Variants in AKAP19 observed in about 807,000 individuals in gnomAD.
The protein encoded by AKAP19 is small A-kinase anchoring protein.
At chr2:189,984,418 A>G in the AKAP19 span, among the ~76,000 whole-genome samples, 1 of 152,310 alleles carries the variant, frequency 6.6e-6, no homozygotes, top group Non-Finnish European at 1.5e-5. Context: ...TGTTCTGCCC[A>G]GCTCACCGGT....
At chr2:190,055,635 A>AT in the AKAP19 span, 1 of 152,220 alleles carries the variant, frequency 6.6e-6, no homozygotes, top group East Asian at 1.9e-4. Context: ...GTGCTAAACA[A>AT]TTAGACTTTT....
chr2:189,972,196 A>T, the AKAP19 span, among the ~76,000 whole-genome samples: 3 of 152,208 alleles, frequency 2.0e-5, no homozygotes, highest in South Asian at 2.1e-4. Context: ...AGCTTTCTAC[A>T]TATGGCTAGC....
At chr2:189,967,831 A>C in the AKAP19 span, among the ~76,000 whole-genome samples, 1 of 151,108 alleles carries the variant, frequency 6.6e-6, no homozygotes, top group East Asian at 1.9e-4. Flanking sequence ...TCTCTAAAAA[A>C]AATAAAAATA....
the AKAP19 span, among the ~76,000 whole-genome samples, chr2:190,186,120 T>A: frequency 1.3e-5 from 2 of 152,030 alleles, no homozygotes; most frequent in African/African-American, 4.8e-5. This position sits in a 1 kb window ranked among gnomAD's most constrained non-coding sequence, Gnocchi z 5.5. Flanking sequence ...CCTGGCTGAT[T>A]TTTTTAGTTT....
chr2:189,998,221 C>G, the AKAP19 span, among the ~76,000 whole-genome samples: 2 of 152,098 alleles, frequency 1.3e-5, no homozygotes, highest in Non-Finnish European at 2.9e-5. Flanking sequence ...CTGGTATGTT[C>G]CTGTGGTAGT....
At chr2:190,126,313 A>AAAAAAAAAAAAAAAAAAAAAAAAAAAG in the AKAP19 span, among the ~76,000 whole-genome samples, 1 of 141,850 alleles carries the variant, frequency 7.0e-6, no homozygotes, top group Non-Finnish European at 1.5e-5. Context: ...AAAAAAAAAA[A>AAAAAAAAAAAAAAAAAAAAAAAAAAAG]AAAAAAAAAA....
At chr2:190,151,163 A>G in the AKAP19 span, among the ~76,000 whole-genome samples, 1 of 152,114 alleles carries the variant, frequency 6.6e-6, no homozygotes, top group Non-Finnish European at 1.5e-5. Context: ...ACATACATAA[A>G]TGTTTGGTTG....
At chr2:190,091,205 T>G in the AKAP19 span, among the ~76,000 whole-genome samples, 9 of 152,242 alleles carry the variant, frequency 5.9e-5, no homozygotes, top group Non-Finnish European at 1.3e-4. Flanking sequence ...AGAAACTTTC[T>G]AATGCCATGT....
chr2:189,972,391 A>G, the AKAP19 span, among the ~76,000 whole-genome samples: 1 of 152,130 alleles, frequency 6.6e-6, no homozygotes, highest in Admixed American at 6.5e-5. Flanking sequence ...GTAGTCTTGT[A>G]GTATAGTTTG....
chr2:189,950,027 G>GTTT, the AKAP19 span, among the ~76,000 whole-genome samples: 26 of 35,000 alleles, frequency 7.4e-4, no homozygotes, highest in African/African-American at 1.3e-3. Flanking sequence ...TTTGGTTTTG[G>GTTT]GTTTTTTTTT....
the AKAP19 span, among the ~76,000 whole-genome samples, chr2:190,116,358 G>A: frequency 6.6e-6 from 1 of 152,300 alleles, no homozygotes; most frequent in Non-Finnish European, 1.5e-5. Context: ...GCATGTGAGA[G>A]AGTAAGAGAT....
At chr2:190,043,110 T>C in the AKAP19 span, among the ~76,000 whole-genome samples, 1 of 152,232 alleles carries the variant, frequency 6.6e-6, no homozygotes, top group South Asian at 2.1e-4. Context: ...CCTTTCTCTC[T>C]AGCTGCCTTT....
the AKAP19 span, among the ~76,000 whole-genome samples, chr2:190,179,262 G>T: frequency 2.0e-4 from 30 of 151,964 alleles, no homozygotes; most frequent in Non-Finnish European, 3.7e-4. This position sits in a 1 kb window ranked among gnomAD's most constrained non-coding sequence, Gnocchi z 6.0. Flanking sequence ...ACAAAAATTA[G>T]CCTGGCATGG....
At chr2:190,161,870 T>TA in the AKAP19 span, among the ~76,000 whole-genome samples, 1 of 152,194 alleles carries the variant, frequency 6.6e-6, no homozygotes, top group Non-Finnish European at 1.5e-5. Flanking sequence ...AGGAGTGACT[T>TA]AGAGACTACT....
the AKAP19 span, among the ~76,000 whole-genome samples, chr2:190,048,788 A>G: frequency 1.3e-5 from 2 of 152,198 alleles, no homozygotes; most frequent in African/African-American, 4.8e-5. Context: ...ATTGGGCATC[A>G]TTCTACATTT....
chr2:190,038,967 C>CT, the AKAP19 span, among the ~76,000 whole-genome samples: 1 of 143,722 alleles, frequency 7.0e-6, no homozygotes, highest in African/African-American at 2.7e-5. Context: ...TCTTCTTCTT[C>CT]TTCTTTCTTC....
the AKAP19 span, among the ~76,000 whole-genome samples, chr2:190,048,343 C>T: frequency 2.6e-5 from 4 of 152,160 alleles, no homozygotes; most frequent in African/African-American, 9.7e-5. Flanking sequence ...AAGCCATTTG[C>T]TATGTAGGCT....
chr2:189,930,118 TC>T, the AKAP19 span, among the ~76,000 whole-genome samples: 1 of 152,134 alleles, frequency 6.6e-6, no homozygotes, highest in Non-Finnish European at 1.5e-5. Flanking sequence ...TCATGTACTT[TC>T]CCCCAACATC....
At chr2:190,052,745 T>C in the AKAP19 span, among the ~76,000 whole-genome samples, 1 of 152,212 alleles carries the variant, frequency 6.6e-6, no homozygotes, top group African/African-American at 2.4e-5. Flanking sequence ...GGATAACAAA[T>C]TAAAGGATTG....
Sources: gnomAD v4.1 joint callset for allele counts (sites outside exome capture counted in the v4.1 genomes callset) on GRCh38, gnomAD v4.1.1 for gene constraint, Gnocchi (gnomAD v3.1) non-coding constraint, MANE v1.5 for transcripts, NCBI Gene and HGNC (gene_info 2026-07-23, HGNC 2026-07-21) for gene names.